The following EPHB1 variants were observed in gnomAD, a reference collection of about 807,000 sequenced individuals.
The protein encoded by EPHB1 is ephrin type-B receptor 1.
Under a neutral mutation model 94.4 loss-of-function variants are expected in EPHB1, and 30 were observed. The ratio of observed to expected loss-of-function variants is 0.32; its 90% confidence interval spans 0.24 to 0.43. The LOEUF is 0.43. Ranked by LOEUF, EPHB1 falls within the 20% of genes least tolerant of loss-of-function variation. The probability of loss-of-function intolerance (pLI) is 1.00; values close to 1 mark genes in which losing one functional copy is unlikely to be tolerated. For missense variants in EPHB1, 1,055 were observed against 1,308.3 expected (o/e 0.81, Z 2.99); for synonymous variants, 522 against 489.1 (o/e 1.07, Z -0.89).
chr3:135,039,964 A>G (rs1280932913), intron 3 of EPHB1, among the ~76,000 whole-genome samples: 1 of 152,208 alleles, frequency 6.6e-6, no homozygotes, highest in Non-Finnish European at 1.5e-5. Flanking sequence ...GAGGACTGCC[A>G]GCATGCTGTC....
At chr3:134,897,921 C>A (rs527610432) in intron 1 of EPHB1, among the ~76,000 whole-genome samples, 1 of 152,356 alleles carries the variant, frequency 6.6e-6, no homozygotes, top group African/African-American at 2.4e-5. Context: ...CTTCTTCCTA[C>A]TGGGAGGAGC....
Position 135,201,324 on chromosome 3 carries a change from G to A in EPHB1, c.2131-150G>A. 4 of 724,880 alleles carry A rather than the reference G, an allele frequency of 5.5e-6. No individual in the cohort carries two copies. In the Admixed American group the frequency reaches 7.0e-5, roughly 13 times the overall value. The allele number at this position is 724,880 out of a possible 1,614,324, so 44.9% of individuals were successfully genotyped here. A position where few individuals can be genotyped will look rare whatever the true frequency, so the allele number is the denominator to read the frequency against. ...GAACAAAACATTCAAGGAGAAGAAT[G>A]GGGGATGGGAGTGGGAAGAGAGGAG... is the stretch of plus-strand genomic sequence containing the variant. On this transcript the variant is annotated intron_variant, in intron 11 of 15. Transcript: ENST00000398015.
At chr3:135,217,282 A>G (rs888025877) in intron 12 of EPHB1, among the ~76,000 whole-genome samples, 13 of 152,254 alleles carry the variant, frequency 8.5e-5, no homozygotes, top group African/African-American at 3.1e-4. Context: ...CACTGCCCAG[A>G]CATTGCCGCT....
chr3:135,143,361 C>T (rs1215955485), intron 5 of EPHB1, among the ~76,000 whole-genome samples: 1 of 152,092 alleles, frequency 6.6e-6, no homozygotes, highest in East Asian at 1.9e-4. Flanking sequence ...GACCTCCAGG[C>T]CTGGAGGAGG....
intron 2 of EPHB1, among the ~76,000 whole-genome samples, chr3:134,949,288 G>A (rs1021749188): frequency 2.0e-5 from 3 of 152,128 alleles, no homozygotes; most frequent in African/African-American, 7.2e-5. Flanking sequence ...TGGGGTCCAG[G>A]AGGACCCTGG....
chr3:134,933,281 C>T (rs1321225484), intron 2 of EPHB1, among the ~76,000 whole-genome samples: 2 of 152,210 alleles, frequency 1.3e-5, no homozygotes, highest in African/African-American at 4.8e-5. Flanking sequence ...TAGCCTTTTT[C>T]ATCTGTATGC....
intron 3 of EPHB1, among the ~76,000 whole-genome samples, chr3:135,062,720 T>C (rs892419631): frequency 2.6e-5 from 4 of 152,368 alleles, no homozygotes; most frequent in Middle Eastern, 3.4e-3. Context: ...TTTGTTTTCA[T>C]TGCATTTGCT....
intron 2 of EPHB1, among the ~76,000 whole-genome samples, chr3:134,941,696 G>A (rs2039118519): frequency 6.6e-6 from 1 of 150,730 alleles, no homozygotes; most frequent in Non-Finnish European, 1.5e-5. Context: ...ATTTTGAAAG[G>A]GGAACAGTTT....
chr3:135,234,077 C>T (rs1246097631), intron 12 of EPHB1, among the ~76,000 whole-genome samples: 2 of 152,228 alleles, frequency 1.3e-5, no homozygotes, highest in Non-Finnish European at 2.9e-5. Flanking sequence ...AAAATTTCTA[C>T]AGCCGCTTAA....
chr3:134,874,923 A>G (rs142613524), intron 1 of EPHB1, among the ~76,000 whole-genome samples: 1 of 152,194 alleles, frequency 6.6e-6, no homozygotes, highest in East Asian at 1.9e-4. Context: ...TTGCATTGCT[A>G]TCCGCCTCTC....
intron 15 of EPHB1, among the ~76,000 whole-genome samples, chr3:135,256,858 C>G (rs1933417303): frequency 6.6e-6 from 1 of 151,134 alleles, no homozygotes; most frequent in Non-Finnish European, 1.5e-5. Flanking sequence ...GTACACCAAT[C>G]AGACGTAGAT....
rs369913117 is a variant in EPHB1 at position 135,085,362 on chromosome 3, A to G, written c.806-21086A>G. Among the ~76,000 whole-genome samples the G allele has an allele frequency of 1.9e-3, 289 of 152,334 alleles. 4 individuals carry two copies. Among genetic ancestry groups the G allele is most frequent in the African/African-American group, 6.7e-3 (280 of 41,572 alleles). On this transcript the variant is annotated intron_variant, in intron 3 of 15. Transcript: ENST00000398015. ...GTGAGACATTTGGCTGTTCTCTTGG[A>G]AGAGACATCAAGAGTCATTTAGAAC...
intron 1 of EPHB1, among the ~76,000 whole-genome samples, chr3:134,850,824 G>A (rs902667871): frequency 2.0e-5 from 3 of 152,258 alleles, no homozygotes; most frequent in Admixed American, 6.5e-5. Context: ...CTGAGGGCAC[G>A]AGGGAGGTGC....
At chr3:134,929,757 G>A (rs188753609) in intron 2 of EPHB1, among the ~76,000 whole-genome samples, 154 of 152,294 alleles carry the variant, frequency 1.0e-3, no homozygotes, top group African/African-American at 3.5e-3. Context: ...GAGGTCTTCC[G>A]GGTGAAGAGG....
At chr3:135,013,995 G>C (rs983142448) in intron 3 of EPHB1, among the ~76,000 whole-genome samples, 1 of 152,180 alleles carries the variant, frequency 6.6e-6, no homozygotes, top group Non-Finnish European at 1.5e-5. Flanking sequence ...TCCTGCTTGA[G>C]TCGGGAGCCA....
chr3:134,994,157 G>A (rs1934911193), intron 3 of EPHB1, among the ~76,000 whole-genome samples: 2 of 152,146 alleles, frequency 1.3e-5, no homozygotes, highest in South Asian at 2.1e-4. Context: ...GGGTGGAGTG[G>A]GAAAGGATGT....
intron 6 of EPHB1, among the ~76,000 whole-genome samples, chr3:135,157,392 C>A (rs1941386160): frequency 6.6e-6 from 1 of 152,234 alleles, no homozygotes; most frequent in Admixed American, 6.5e-5. Flanking sequence ...TCCTCTACTA[C>A]CTTTCCCTTT....
intron 9 of EPHB1, among the ~76,000 whole-genome samples, chr3:135,167,351 T>A (rs886548330): frequency 2.6e-5 from 4 of 152,208 alleles, no homozygotes; most frequent in Non-Finnish European, 5.9e-5. Context: ...TCTATTAACA[T>A]CTTCTGCCTT....
At chr3:134,925,995 G>C in intron 2 of EPHB1, 115 bp downstream of exon 2, 1 of 874,892 alleles carries the variant, frequency 1.1e-6, no homozygotes, top group African/African-American at 1.7e-5. Flanking sequence ...ATACAGGTGT[G>C]AATGGCTGTG....
Sources: allele counts gnomAD v4.1 joint callset (sites outside exome capture counted in the v4.1 genomes callset), GRCh38; gene constraint gnomAD v4.1.1; transcripts MANE v1.5; gene names NCBI Gene and HGNC (gene_info 2026-07-23, HGNC 2026-07-21).